Variants in LHFPL3 observed in about 807,000 individuals in gnomAD.
The protein encoded by LHFPL3 is LHFPL tetraspan subfamily member 3.
Under a neutral mutation model 19.3 loss-of-function variants are expected in LHFPL3, and 5 were observed. The ratio of observed to expected loss-of-function variants is 0.26; its 90% CI spans 0.14 to 0.54. The LOEUF (loss-of-function observed/expected upper bound fraction) is 0.54, where lower values mean the gene tolerates loss of function less well. LHFPL3 is among the 20% of genes least tolerant of loss of function. The pLI is 0.94. For missense variants in LHFPL3, 249 were observed against 307.4 expected (o/e 0.81, Z 1.42); for synonymous variants, 133 against 126.2 (o/e 1.05, Z -0.36).
intron 1 of LHFPL3, among the ~76,000 whole-genome samples, chr7:104,525,328 T>C (rs1193286306): frequency 6.6e-6 from 1 of 152,158 alleles, no homozygotes; most frequent in Non-Finnish European, 1.5e-5. Context: ...CAGTATAAAT[T>C]TGTGTGATAA....
chr7:104,709,726 G>A (rs12537610), intron 1 of LHFPL3, among the ~76,000 whole-genome samples: 48,875 of 150,060 alleles, frequency 0.33, 8,022 homozygotes, highest in East Asian at 0.62. Flanking sequence ...ATCATGGCCC[G>A]TTCTCAATGA....
chr7:104,527,672 G>A (rs1020376677), intron 1 of LHFPL3, among the ~76,000 whole-genome samples: 6 of 152,160 alleles, frequency 3.9e-5, no homozygotes, highest in Non-Finnish European at 8.8e-5. Context: ...GGAGGAAGCT[G>A]GATAGCAGAG....
intron 1 of LHFPL3, among the ~76,000 whole-genome samples, chr7:104,617,577 G>A (rs1456556370): frequency 6.6e-6 from 1 of 152,186 alleles, no homozygotes; most frequent in Non-Finnish European, 1.5e-5. Flanking sequence ...ATAACCTTCT[G>A]TGTTTTTCCT....
intron 1 of LHFPL3, among the ~76,000 whole-genome samples, chr7:104,390,133 A>C (rs1438695137): frequency 6.6e-6 from 1 of 151,780 alleles, no homozygotes; most frequent in Non-Finnish European, 1.5e-5. Flanking sequence ...TGCAGAATAT[A>C]TAAAGGACAT....
chr7:104,802,045 T>C (rs1326156423), intron 2 of LHFPL3, among the ~76,000 whole-genome samples: 1 of 152,192 alleles, frequency 6.6e-6, no homozygotes, highest in Non-Finnish European at 1.5e-5. Flanking sequence ...CTTTCTTCCC[T>C]ACCTCTTTCT....
intron 1 of LHFPL3, among the ~76,000 whole-genome samples, chr7:104,601,383 T>C (rs1481333138): frequency 6.6e-6 from 1 of 152,222 alleles, no homozygotes; most frequent in Non-Finnish European, 1.5e-5. Context: ...TACCTCCATG[T>C]ACCAAATGTG....
At position 104,351,686 on chromosome 7, in the gene LHFPL3, A is replaced by G. The variant is rs553820799; in HGVS notation, c.445+22462A>G. ...TAGTTTGGCCAAACATAGAAAACAAATCCTAAGTGTTTGAGCGAATTTACA... is the reference window on the plus strand; with the variant it reads ...TAGTTTGGCCAAACATAGAAAACAAGTCCTAAGTGTTTGAGCGAATTTACA... On this transcript the variant is annotated intron_variant, in intron 1 of 2. Coordinates refer to ENST00000424859, the MANE Select transcript of LHFPL3 (RefSeq NM_199000.3). 2.2e-4 allele frequency among the ~76,000 whole-genome samples: 33 copies of G among 152,364 alleles called. No homozygotes were observed. The South Asian group carries it at 6.8e-3, about 32-fold the overall frequency.
At chr7:104,497,618 A>G (rs1282760409) in intron 1 of LHFPL3, among the ~76,000 whole-genome samples, 1 of 144,156 alleles carries the variant, frequency 6.9e-6, no homozygotes, top group Non-Finnish European at 1.5e-5. Flanking sequence ...ATCCCTGCAC[A>G]CACCAATTAA....
Position 104,510,188 on chromosome 7 carries a change from A to G in LHFPL3, c.445+180964A>G, listed in dbSNP as rs184293538. Reference sequence around the variant, plus strand: ...TGATTATAGGTTTAGCACAATTTCTATCAAAATCTCAGCAAGACTTTCTGT... The same window carrying G: ...TGATTATAGGTTTAGCACAATTTCTGTCAAAATCTCAGCAAGACTTTCTGT... On this transcript the variant is annotated intron_variant, in intron 1 of 2. Transcript: ENST00000424859. 9.8e-5 allele frequency among the ~76,000 whole-genome samples: 15 copies of G among 152,298 alleles called. No individual in the cohort carries two copies. The South Asian group carries it at 2.1e-3, about 21-fold the overall frequency.
At chr7:104,822,480 C>A (rs573205170) in intron 2 of LHFPL3, among the ~76,000 whole-genome samples, 1 of 152,288 alleles carries the variant, frequency 6.6e-6, no homozygotes, top group South Asian at 2.1e-4. Flanking sequence ...GGATGGAGAT[C>A]TGTCCTGTGC....
intron 1 of LHFPL3, among the ~76,000 whole-genome samples, chr7:104,341,044 A>G (rs1697974091): frequency 6.6e-6 from 1 of 152,210 alleles, no homozygotes; most frequent in Admixed American, 6.5e-5. Context: ...TTTCCTCTTC[A>G]CAGTTATCGA....
chr7:104,422,215 G>T (rs1791745609), intron 1 of LHFPL3, among the ~76,000 whole-genome samples: 1 of 152,148 alleles, frequency 6.6e-6, no homozygotes, highest in South Asian at 2.1e-4. Flanking sequence ...ATAAAAATTA[G>T]CTGGCCACGG....
chr7:104,857,520 C>G (rs1207718862), intron 2 of LHFPL3, among the ~76,000 whole-genome samples: 1 of 152,116 alleles, frequency 6.6e-6, no homozygotes, highest in Admixed American at 6.6e-5. Flanking sequence ...ACAGAAAGTT[C>G]AGAATTAGAA....
intron 1 of LHFPL3, among the ~76,000 whole-genome samples, chr7:104,575,501 G>A (rs1377871026): frequency 7.2e-6 from 1 of 139,238 alleles, no homozygotes; most frequent in Non-Finnish European, 1.5e-5. Flanking sequence ...TTGGCAAATA[G>A]GCCTATTTTT....
chr7:104,728,528 G>A (rs1439607159), intron 1 of LHFPL3, among the ~76,000 whole-genome samples: 1 of 152,036 alleles, frequency 6.6e-6, no homozygotes, highest in Non-Finnish European at 1.5e-5. Context: ...TCCACATGCT[G>A]TTCCCTGGAA....
At chr7:104,864,317 T>C (rs145282670) in intron 2 of LHFPL3, among the ~76,000 whole-genome samples, 3,371 of 152,192 alleles carry the variant, frequency 0.022, 122 homozygotes, top group African/African-American at 0.076. Flanking sequence ...GGGCGAGGCA[T>C]TGCCTCACCC....
chr7:104,408,359 A>AT (rs11428458), intron 1 of LHFPL3, among the ~76,000 whole-genome samples: 101,946 of 149,000 alleles, frequency 0.68, 35,340 homozygotes, highest in African/African-American at 0.79. Flanking sequence ...TTGTGGCAAC[A>AT]TTTTTTTTTT....
chr7:104,735,176 G>A (rs956465842), intron 1 of LHFPL3, among the ~76,000 whole-genome samples: 3 of 152,246 alleles, frequency 2.0e-5, no homozygotes, highest in African/African-American at 7.2e-5. Context: ...GGACCCACTT[G>A]AGGAGGCAGT....
At chr7:104,372,054 G>C (rs1281132455) in intron 1 of LHFPL3, among the ~76,000 whole-genome samples, 1 of 152,156 alleles carries the variant, frequency 6.6e-6, no homozygotes, top group East Asian at 1.9e-4. Flanking sequence ...TGGTCCTTTT[G>C]GAACCATTGC....
Sources: allele counts gnomAD v4.1 joint callset (sites outside exome capture counted in the v4.1 genomes callset), GRCh38; gene constraint gnomAD v4.1.1; transcripts MANE v1.5; gene names NCBI Gene and HGNC (gene_info 2026-07-23, HGNC 2026-07-21).